ASB11: variants seen among roughly 807,000 people sequenced by gnomAD.
ASB11 encodes the protein ankyrin repeat and SOCS box protein 11.
A neutral mutation model predicts 20.1 loss-of-function variants in ASB11; 17 were observed. The observed-to-expected ratio is 0.85, with a 90% CI of 0.58 to 1.27. ASB11 has a LOEUF of 1.27. Among genes scored for constraint, ASB11 ranks in the 50% most tolerant of loss-of-function variants. The probability of loss-of-function intolerance (pLI) is 0.00; values close to 1 mark genes in which losing one functional copy is unlikely to be tolerated. For synonymous variants in ASB11, 107 were observed against 105.6 expected (o/e 1.01, Z -0.08); for missense variants, 259 against 256.9 (o/e 1.01, Z -0.06).
chrX:15,311,464 G>A (rs1921428930), intron 1 of ASB11, among the ~76,000 whole-genome samples: 1 of 112,297 alleles, frequency 8.9e-6, no homozygotes, highest in African/African-American at 3.2e-5. Context: ...CTAAATAAGA[G>A]CAGAAGGCTA....
intron 3 of ASB11, among the ~76,000 whole-genome samples, chrX:15,295,934 T>C (rs1920960925): frequency 8.9e-6 from 1 of 111,878 alleles, no homozygotes; most frequent in Admixed American, 9.5e-5. Flanking sequence ...AGAGAAGCAC[T>C]ACCTAATGAA....
intron 1 of ASB11, among the ~76,000 whole-genome samples, chrX:15,309,461 G>C (rs1699996460): frequency 1.8e-5 from 2 of 109,561 alleles, no homozygotes; most frequent in African/African-American, 3.3e-5. Flanking sequence ...ACATTATGGT[G>C]AGTTGTATAA....
At chrX:15,292,959 C>T (rs1391678615) in intron 4 of ASB11, among the ~76,000 whole-genome samples, 1 of 111,861 alleles carries the variant, frequency 8.9e-6, no homozygotes, top group Non-Finnish European at 1.9e-5. Flanking sequence ...GAAAGCATTC[C>T]GAAGTTATAA....
chrX:15,308,819 A>G (rs936279466), intron 1 of ASB11, among the ~76,000 whole-genome samples: 2 of 111,685 alleles, frequency 1.8e-5, no homozygotes, highest in Non-Finnish European at 3.8e-5. Flanking sequence ...CCTCCTCTTT[A>G]TAAATCAGGG....
Position 15,314,072 on chromosome X carries a change from A to C in ASB11, c.181+1353T>G, listed in dbSNP as rs752542312. Among the ~76,000 whole-genome samples, 26 of 109,190 alleles carry C rather than the reference A, an allele frequency of 2.4e-4. No homozygotes were observed. In the South Asian group the frequency reaches 9.2e-3, roughly 39 times the overall value. The allele number at this position is 109,190 out of a possible 115,157, so 94.8% of individuals were successfully genotyped here. ...GACTCCATCTCAAAAAAAAAAAAAAAAAAAAAGAGTGCACTTAATTAAAGA... is the reference window on the plus strand; with the variant it reads ...GACTCCATCTCAAAAAAAAAAAAAACAAAAAAGAGTGCACTTAATTAAAGA... On this transcript the variant is annotated intron_variant, in intron 1 of 6. Transcript: ENST00000480796.
chrX:15,287,618 C>T (rs1927424713), intron 6 of ASB11, among the ~76,000 whole-genome samples: 1 of 112,821 alleles, frequency 8.9e-6, no homozygotes, highest in Non-Finnish European at 1.9e-5. Context: ...AGCCACCACG[C>T]CCAGCCGGTT....
At chrX:15,313,150 G>A (rs901082731) in intron 1 of ASB11, among the ~76,000 whole-genome samples, 10 of 111,661 alleles carry the variant, frequency 9.0e-5, no homozygotes, top group Non-Finnish European at 1.9e-4. Context: ...TATAATCCCA[G>A]CACTTTGGGA....
At chrX:15,296,281 A>T (rs909428267) in intron 3 of ASB11, among the ~76,000 whole-genome samples, 4 of 109,862 alleles carry the variant, frequency 3.6e-5, no homozygotes, top group Non-Finnish European at 7.6e-5. Flanking sequence ...AAAAAAAAAC[A>T]AAAAAAGAAA....
At chrX:15,305,415 C>T (rs997530636) in intron 1 of ASB11, among the ~76,000 whole-genome samples, 5 of 111,183 alleles carry the variant, frequency 4.5e-5, no homozygotes, top group Admixed American at 1.9e-4. Flanking sequence ...AAAGGGATGA[C>T]GAAACGCGCT....
At chrX:15,283,776 C>T (rs1046707354) in intron 6 of ASB11, 147 bp from the exon 7 acceptor site, 70 of 617,203 alleles carry the variant, frequency 1.1e-4, no homozygotes, top group Admixed American at 3.4e-4. Flanking sequence ...AGGTAGCGGA[C>T]ACTAAATACA....
chrX:15,285,646 G>C (rs1602183514), intron 6 of ASB11, among the ~76,000 whole-genome samples: 1 of 111,515 alleles, frequency 9.0e-6, no homozygotes, highest in African/African-American at 3.3e-5. Flanking sequence ...ATCTGCTGAG[G>C]AAGATCATAA....
At chrX:15,285,293 A>T (rs1927351381) in intron 6 of ASB11, among the ~76,000 whole-genome samples, 1 of 109,416 alleles carries the variant, frequency 9.1e-6, no homozygotes, top group Non-Finnish European at 1.9e-5. Flanking sequence ...GGCGGGTGCC[A>T]CCAAACCCAG....
intron 1 of ASB11, among the ~76,000 whole-genome samples, chrX:15,313,473 G>A (rs867319752): frequency 1.1e-5 from 1 of 88,633 alleles, no homozygotes. Context: ...TCGTGTATAT[G>A]TATACACACA....
intron 3 of ASB11, among the ~76,000 whole-genome samples, chrX:15,296,288 G>C (rs776654333): frequency 9.2e-6 from 1 of 108,581 alleles, no homozygotes; most frequent in East Asian, 2.9e-4. Context: ...AACAAAAAAA[G>C]AAAATGCACG....
chrX:15,309,117 A>G (rs1357526406), intron 1 of ASB11, among the ~76,000 whole-genome samples: 1 of 110,798 alleles, frequency 9.0e-6, no homozygotes, highest in Non-Finnish European at 1.9e-5. Flanking sequence ...GGATTTCGCC[A>G]TGTTGCCCAG....
At chrX:15,285,844 A>G (rs1927369074) in intron 6 of ASB11, among the ~76,000 whole-genome samples, 1 of 109,966 alleles carries the variant, frequency 9.1e-6, no homozygotes, top group Non-Finnish European at 1.9e-5. Flanking sequence ...TCTCTACTAA[A>G]AATACAAAAA....
chrX:15,288,155 G>C, intron 5 of ASB11, 83 bp from the exon 6 acceptor site: 1 of 962,576 alleles, frequency 1.0e-6, no homozygotes, highest in Non-Finnish European at 1.4e-6. Flanking sequence ...TGCATATAAA[G>C]ACATTTTAAG....
intron 1 of ASB11, among the ~76,000 whole-genome samples, chrX:15,312,887 G>A (rs1417199964): frequency 1.8e-5 from 2 of 111,776 alleles, no homozygotes; most frequent in Non-Finnish European, 3.8e-5. Context: ...CTGAGGGGTT[G>A]AGGAGGATTT....
At chrX:15,313,777 C>T (rs1230099049) in intron 1 of ASB11, among the ~76,000 whole-genome samples, 3 of 111,237 alleles carry the variant, frequency 2.7e-5, no homozygotes, top group Admixed American at 9.6e-5. Flanking sequence ...TGAGGCCGGG[C>T]GCGGTGGCTC....
Sources: allele counts gnomAD v4.1 joint callset (sites outside exome capture counted in the v4.1 genomes callset), GRCh38; gene constraint gnomAD v4.1.1; transcripts MANE v1.5; gene names NCBI Gene and HGNC (gene_info 2026-07-23, HGNC 2026-07-21).